FSHR: variants seen among roughly 807,000 people sequenced by gnomAD.
The protein encoded by FSHR is follicle-stimulating hormone receptor.
FSHR carries 46 observed loss-of-function variants against 52.1 expected under a neutral mutation model. The ratio of observed to expected loss-of-function variants is 0.88; its 90% CI spans 0.70 to 1.13. The LOEUF is 1.13. FSHR is among the 50% of genes most tolerant of loss of function. The pLI is 0.00. For missense variants in FSHR, 964 were observed against 834.6 expected (o/e 1.16, Z -1.91); for synonymous variants, 399 against 309.6 (o/e 1.29, Z -3.03).
chr2:48,966,235 A>T (rs1263511392), intron 9 of FSHR, among the ~76,000 whole-genome samples: 1 of 152,216 alleles, frequency 6.6e-6, no homozygotes, highest in African/African-American at 2.4e-5. Context: ...GTGGTTACTT[A>T]TGGAATTCTT....
intron 1 of FSHR, among the ~76,000 whole-genome samples, chr2:49,085,266 G>A (rs571963463): frequency 1.3e-5 from 2 of 152,366 alleles, no homozygotes; most frequent in East Asian, 3.9e-4. Flanking sequence ...CTCGATAGAT[G>A]CAGAAAAGGC....
intron 1 of FSHR, among the ~76,000 whole-genome samples, chr2:49,138,464 A>G (rs1186647401): frequency 5.3e-5 from 8 of 152,242 alleles, no homozygotes; most frequent in Non-Finnish European, 1.2e-4. Flanking sequence ...ATGTCCATCA[A>G]CAGATGAATG....
At chr2:49,071,841 A>G (rs1474725401) in intron 1 of FSHR, among the ~76,000 whole-genome samples, 2 of 152,152 alleles carry the variant, frequency 1.3e-5, no homozygotes, top group Non-Finnish European at 1.5e-5. Context: ...GCTCTTTTCA[A>G]CAATCAGCTC....
rs559084261 is a variant in FSHR at position 49,057,731 on chromosome 2, G to A, written c.224+10488C>T. Reference sequence around the variant, plus strand: ...AAGGACATAGCAAAAAAAAGAAAACGTAGGCCAATATCCCTGATGAAGATA... The same window carrying A: ...AAGGACATAGCAAAAAAAAGAAAACATAGGCCAATATCCCTGATGAAGATA... On this transcript the variant is annotated intron_variant, in intron 2 of 9. Coordinates refer to ENST00000406846, the MANE Select transcript of FSHR (RefSeq NM_000145.4). Among the ~76,000 whole-genome samples the A allele has an allele frequency of 2.8e-4, 43 of 152,180 alleles. 1 individual carries two copies. Among genetic ancestry groups the A allele is most frequent in the African/African-American group, 9.4e-4 (39 of 41,526 alleles).
Position 49,154,258 on chromosome 2 carries a change from A to T in FSHR, c.152+8T>A. ...CATGCAGTTGTTCCCCCTCCCTCTG[A>T]TACTCACAGTTCAATGGCATTCCTC... On this transcript the variant is annotated splice_region_variant and intron_variant, in intron 1 of 9. Coordinates refer to ENST00000406846, the MANE Select transcript of FSHR (RefSeq NM_000145.4). The T allele has an allele frequency of 6.2e-7, 1 of 1,613,578 alleles. No homozygotes were observed. Among genetic ancestry groups the T allele is most frequent in the Non-Finnish European group, 8.5e-7 (1 of 1,179,626 alleles).
At chr2:48,968,633 T>C (rs1674586722) in intron 9 of FSHR, 65 bp downstream of exon 9, 1 of 1,565,574 alleles carries the variant, frequency 6.4e-7, no homozygotes, top group Non-Finnish European at 8.8e-7. Context: ...CACAGATAGG[T>C]AGAAATTGTG....
chr2:49,127,760 CTT>C (rs1345455464), intron 1 of FSHR, among the ~76,000 whole-genome samples: 2 of 27,616 alleles, frequency 7.2e-5, no homozygotes, highest in African/African-American at 3.3e-4. Flanking sequence ...CTTTCTTCTT[CTT>C]CTTCTTCTTC....
intron 1 of FSHR, among the ~76,000 whole-genome samples, chr2:49,090,704 C>G (rs1238214427): frequency 6.6e-6 from 1 of 152,276 alleles, no homozygotes; most frequent in East Asian, 1.9e-4. Context: ...TTTTCCAGAG[C>G]AGCTGTACCA....
At chr2:49,145,760 C>T (rs1672847354) in intron 1 of FSHR, among the ~76,000 whole-genome samples, 1 of 151,986 alleles carries the variant, frequency 6.6e-6, no homozygotes, top group Non-Finnish European at 1.5e-5. Context: ...TGATTGTTTT[C>T]TCTCCAGTGC....
intron 8 of FSHR, among the ~76,000 whole-genome samples, chr2:48,980,004 T>C (rs1245604557): frequency 6.6e-6 from 1 of 152,132 alleles, no homozygotes; most frequent in East Asian, 1.9e-4. Flanking sequence ...GTTTAGATGG[T>C]TTAGTGTATC....
intron 1 of FSHR, among the ~76,000 whole-genome samples, chr2:49,078,937 T>C (rs569009013): frequency 5.9e-5 from 9 of 152,162 alleles, no homozygotes; most frequent in African/African-American, 2.2e-4. Flanking sequence ...GAAAAAGATA[T>C]GTCAGAATTA....
intron 2 of FSHR, among the ~76,000 whole-genome samples, chr2:49,021,884 TATAGAG>T (rs1301393798): frequency 7.7e-4 from 28 of 36,552 alleles, no homozygotes; most frequent in Non-Finnish European, 8.9e-4. Context: ...TATATATATA[TATAGAG>T]AGAGAGAGAG....
intron 1 of FSHR, among the ~76,000 whole-genome samples, chr2:49,103,765 C>T (rs1572748758): frequency 6.6e-6 from 1 of 152,124 alleles, no homozygotes; most frequent in Non-Finnish European, 1.5e-5. Flanking sequence ...TCAGGGTTTT[C>T]CTCTCATGAT....
At chr2:49,098,260 A>G (rs968599159) in intron 1 of FSHR, among the ~76,000 whole-genome samples, 2 of 152,144 alleles carry the variant, frequency 1.3e-5, no homozygotes, top group Non-Finnish European at 1.5e-5. Flanking sequence ...CTCTGTCCTT[A>G]ATGGATTCAC....
chr2:49,123,377 C>T (rs923839823), intron 1 of FSHR, among the ~76,000 whole-genome samples: 5 of 152,002 alleles, frequency 3.3e-5, no homozygotes, highest in Admixed American at 3.3e-4. Flanking sequence ...GTACCAGCTA[C>T]TAGGGAGGCT....
intron 2 of FSHR, 56 bp downstream of exon 2, chr2:49,068,163 G>A: frequency 7.5e-7 from 1 of 1,341,010 alleles, no homozygotes; most frequent in Non-Finnish European, 1.1e-6. Flanking sequence ...TGTGGTCTGA[G>A]GTTGCTCCCT....
chr2:49,146,080 G>A (rs1472055023), intron 1 of FSHR, among the ~76,000 whole-genome samples: 7 of 151,992 alleles, frequency 4.6e-5, no homozygotes, highest in South Asian at 2.1e-4. Flanking sequence ...TTTTTGTTCT[G>A]AATTTGGGCA....
At chr2:49,151,506 C>G (rs1225631968) in intron 1 of FSHR, among the ~76,000 whole-genome samples, 2 of 152,078 alleles carry the variant, frequency 1.3e-5, no homozygotes, top group African/African-American at 4.8e-5. Context: ...AATTAGCAAT[C>G]TTTCGTGATA....
At chr2:49,148,857 G>T (rs1361061895) in intron 1 of FSHR, among the ~76,000 whole-genome samples, 3 of 151,952 alleles carry the variant, frequency 2.0e-5, no homozygotes, top group Non-Finnish European at 4.4e-5. Context: ...AATAAAGAGA[G>T]GTAAAGTCAG....
Sources: allele counts gnomAD v4.1 joint callset (sites outside exome capture counted in the v4.1 genomes callset), GRCh38; gene constraint gnomAD v4.1.1; transcripts MANE v1.5; gene names NCBI Gene and HGNC (gene_info 2026-07-23, HGNC 2026-07-21).